The following TNRC18 variants were observed in gnomAD, a reference collection of about 807,000 sequenced individuals.
TNRC18 encodes the protein trinucleotide repeat containing 18.
A neutral mutation model predicts 226.7 loss-of-function variants in TNRC18; 69 were observed. That is an observed-to-expected ratio of 0.30 (90% CI 0.25 to 0.37). The LOEUF (loss-of-function observed/expected upper bound fraction) is 0.37. Ranked by LOEUF, TNRC18 falls within the 10% of genes least tolerant of loss-of-function variation. The pLI, the probability that TNRC18 is intolerant of heterozygous loss-of-function variation, is 1.00. For missense variants in TNRC18, 4,754 were observed against 4,256.6 expected (o/e 1.12, Z -3.25); for synonymous variants, 2,449 against 1,927.6 (o/e 1.27, Z -7.09).
At chr7:5,323,605 C>T (rs1276000257) in intron 21 of TNRC18, among the ~76,000 whole-genome samples, 1 of 135,954 alleles carries the variant, frequency 7.4e-6, no homozygotes, top group South Asian at 2.3e-4. Flanking sequence ...GCTCTTTGCC[C>T]AGGCTGGAGT....
Position 5,324,257 on chromosome 7 carries a change from C to T in TNRC18, c.6399G>A (p.Glu2133=), listed in dbSNP as rs776808955. Residue 2133 remains glutamate (E), a synonymous_variant, in exon 21 of 30, where the codon GAG becomes GAA. Transcript: ENST00000430969. The surrounding 1 kb of genome is among the most constrained non-coding windows in gnomAD (Gnocchi z 4.8). Reference sequence around the variant, plus strand: ...CCACAGCCCCGCCACGCGGCAGGTGCTCGTCCTCAGAGAAGCTCGAGTCTT... The same window carrying T: ...CCACAGCCCCGCCACGCGGCAGGTGTTCGTCCTCAGAGAAGCTCGAGTCTT... The part of the protein sequence containing the change: ...PNQDSSFSED[E]HLPRGGAVER... 6.2e-7 allele frequency: 1 copy of T among 1,612,330 alleles called. No individual in the cohort carries two copies. The highest frequency in any genetic ancestry group is 1.1e-5 in the South Asian group (1 of 91,026).
At chr7:5,386,613 G>T (rs1779809783) in intron 5 of TNRC18, among the ~76,000 whole-genome samples, 1 of 151,762 alleles carries the variant, frequency 6.6e-6, no homozygotes, top group African/African-American at 2.4e-5. Flanking sequence ...AGTCGGGCGT[G>T]GTGGCGCATA....
In TNRC18 at chr7:5,312,155, A is replaced by T. The variant is rs557934141; in HGVS notation, c.8388+348T>A. Among the ~76,000 whole-genome samples, 1 of 152,094 alleles carries T rather than the reference A, an allele frequency of 6.6e-6. No individual in the cohort carries two copies. Among genetic ancestry groups the T allele is most frequent in the Admixed American group, 6.5e-5 (1 of 15,270 alleles). The stretch of plus-strand genomic sequence containing the variant: ...AGTCTCAAAAAAAGAAAAAGGAAAA[A>T]ATCCCAGAGGCCTGGAAAGCCCCTT... On this transcript the variant is annotated intron_variant, in intron 27 of 29. Transcript: ENST00000430969. This position sits in a 1 kb window ranked among gnomAD's most constrained non-coding sequence, Gnocchi z 6.3.
At position 5,307,820 on chromosome 7, in the gene TNRC18, G is replaced by C. The variant is rs1276879657; in HGVS notation, c.*286C>G. On this transcript the variant is annotated 3_prime_UTR_variant, in exon 30 of 30. Transcript: ENST00000430969. ...CGGCCTGGCCAAGTGCTTGCAACGT[G>C]CTGGGCAGGAAGGGCCGGTCCGGCC... 1.2e-5 allele frequency: 6 copies of C among 482,742 alleles called. No individual in the cohort carries two copies. Among genetic ancestry groups the C allele is most frequent in the Non-Finnish European group, 2.3e-5 (6 of 261,904 alleles). The allele number at this position is 482,742 out of a possible 1,614,324, so 29.9% of individuals were successfully genotyped here.
At position 5,321,081 on chromosome 7, in the gene TNRC18, C is replaced by A; in HGVS notation, c.6552G>T (p.Ser2184=). 1 of 1,544,646 alleles carries A rather than the reference C, an allele frequency of 6.5e-7. No individual in the cohort carries two copies. Among genetic ancestry groups the A allele is most frequent in the Non-Finnish European group, 8.8e-7 (1 of 1,142,558 alleles). ...CCTCCCACCCCACTCACATGTCTGG[C>A]GAGTGCACGGTCTGCACGTGCCCGG... is the stretch of plus-strand genomic sequence containing the variant. ...LYAGHVQTVH[S]PDIYRVVVEG... The change falls in exon 22 of 30, where the codon TCG becomes TCT. Residue 2184 remains serine, a synonymous_variant. Coordinates refer to ENST00000430969, the MANE Select transcript of TNRC18 (RefSeq NM_001080495.3).
chr7:5,332,506 C>T, intron 19 of TNRC18, 116 bp downstream of exon 19: 1 of 1,203,518 alleles, frequency 8.3e-7, no homozygotes. Context: ...GGCCTGGAGC[C>T]GAGTACATGG....
At chr7:5,345,472 TC>T (rs1203010778) in intron 18 of TNRC18, 89 bp downstream of exon 18, 2 of 1,290,992 alleles carry the variant, frequency 1.5e-6, no homozygotes, top group Non-Finnish European at 2.1e-6. Flanking sequence ...CACCTGCATC[TC>T]TGAGCCTCAG....
Position 5,351,723 on chromosome 7 carries a change from A to C in TNRC18, c.5470+96T>G, listed in dbSNP as rs1041979132. On this transcript the variant is annotated intron_variant, in intron 17 of 29. Transcript: ENST00000430969. ...ATCCGCACGGGCCTCCTCACCCACC[A>C]TCTCTCCCGTGCGCCCACTCGCTTC... 4 of 1,391,622 alleles carry C rather than the reference A, an allele frequency of 2.9e-6. No individual in the cohort carries two copies. In the South Asian group the frequency reaches 6.0e-5, roughly 21 times the overall value. 86.2% of individuals were successfully genotyped at this position (1,391,622 alleles called of 1,614,324 possible).
chr7:5,359,455 G>A lies in TNRC18; in HGVS notation c.4776C>T (p.Ala1592=). The A allele has an allele frequency of 6.2e-7, 1 of 1,614,012 alleles. No homozygotes were observed. Among genetic ancestry groups the A allele is most frequent in the Non-Finnish European group, 8.5e-7 (1 of 1,179,896 alleles). Residue 1592 remains alanine (A), a synonymous_variant, in exon 15 of 30, where the codon GCC becomes GCT. Transcript: ENST00000430969. The part of the protein sequence containing the change: ...EHDALIGMGK[A]RGRNQTWDEH... ...CATCCCAAGTCTGGTTCCTCCCCCT[G>A]GCTTTCCCCATTCCGATGAGGGCAT...
intron 19 of TNRC18, among the ~76,000 whole-genome samples, chr7:5,329,077 C>A (rs948412249): frequency 2.6e-5 from 4 of 151,976 alleles, no homozygotes; most frequent in Non-Finnish European, 5.9e-5. Flanking sequence ...CTGAGGTGGG[C>A]CGATCACCTG....
Position 5,361,661 on chromosome 7 carries a change from G to T in TNRC18, c.4594C>A (p.Arg1532=). 1 of 1,561,516 alleles carries T rather than the reference G, an allele frequency of 6.4e-7. No homozygotes were observed. Among genetic ancestry groups the T allele is most frequent in the Non-Finnish European group, 8.7e-7 (1 of 1,154,174 alleles). ...GACAGGGCGCTCGGGGCGTGGGTCC[G>T]TTTCCGCGGCCTGCCAGGGCCTCTG... ...ARRGPGRPRK[R]THAPSALSPP... The change falls in exon 14 of 30, where the codon CGG becomes AGG. Residue 1532 remains arginine (R), a synonymous_variant. Transcript: ENST00000430969.
chr7:5,325,524 C>T (rs1435153247), intron 19 of TNRC18: 5 of 359,984 alleles, frequency 1.4e-5, no homozygotes, highest in East Asian at 7.9e-5. Context: ...CCCGGGTTCA[C>T]GCCATTCTCC....
intron 5 of TNRC18, among the ~76,000 whole-genome samples, chr7:5,380,269 G>C (rs1398195623): frequency 6.6e-6 from 1 of 152,176 alleles, no homozygotes; most frequent in Non-Finnish European, 1.5e-5. Context: ...AACACAGTGA[G>C]TCCCCATCTC....
intron 2 of TNRC18, among the ~76,000 whole-genome samples, chr7:5,396,280 G>A (rs1780682826): frequency 6.6e-6 from 1 of 152,072 alleles, no homozygotes; most frequent in Admixed American, 6.6e-5. Context: ...CCCAGGAGGT[G>A]GAGGTTGCAG....
At chr7:5,401,018 G>T (rs1001755579) in intron 2 of TNRC18, among the ~76,000 whole-genome samples, 1 of 152,140 alleles carries the variant, frequency 6.6e-6, no homozygotes, top group Non-Finnish European at 1.5e-5. Flanking sequence ...GGGAGACAGA[G>T]CAAGACCCTG....
intron 21 of TNRC18, among the ~76,000 whole-genome samples, chr7:5,321,639 CTTTATTTATTTATTTA>C (rs10551562): frequency 2.9e-4 from 42 of 143,508 alleles, no homozygotes; most frequent in East Asian, 8.2e-4. Flanking sequence ...ACTTCTAGGA[CTTTATTTATTTATTTA>C]TTTATTTATT....
At chr7:5,404,044 C>A (rs115487612) in intron 2 of TNRC18, among the ~76,000 whole-genome samples, 1 of 152,332 alleles carries the variant, frequency 6.6e-6, no homozygotes, top group African/African-American at 2.4e-5. Context: ...TGGGTTAACA[C>A]TCTGGCTATA....
chr7:5,345,704 G>A lies in TNRC18; in HGVS notation c.5577C>T (p.Gly1859=). 6.5e-7 allele frequency: 1 copy of A among 1,549,056 alleles called. No individual in the cohort carries two copies. Among genetic ancestry groups the A allele is most frequent in the Non-Finnish European group, 8.7e-7 (1 of 1,146,806 alleles). ...GCAGGCCCAGCCCACTCTCCTCCAG[G>A]CCCGGTGACAGGGCCCGCTCCCGGG... ...LGARERALSP[G]LEESGLGLLA... The change falls in exon 18 of 30, where the codon GGC becomes GGT. Residue 1859 remains glycine, a synonymous_variant. Coordinates refer to ENST00000430969, the MANE Select transcript of TNRC18 (RefSeq NM_001080495.3).
chr7:5,416,067 G>A lies in TNRC18; in HGVS notation c.187+4993C>T, dbSNP rs547301229. ...GTGGAGGTTGTGGTGAGCCTAGATCGTGCCACTGCACTCCAGCCTGGGCGA... is the reference window on the plus strand; with the variant it reads ...GTGGAGGTTGTGGTGAGCCTAGATCATGCCACTGCACTCCAGCCTGGGCGA... On this transcript the variant is annotated intron_variant, in intron 2 of 29. Transcript: ENST00000430969. 2.7e-3 allele frequency among the ~76,000 whole-genome samples: 406 copies of A among 149,152 alleles called. 2 individuals carry two copies. Among genetic ancestry groups the A allele is most frequent in the African/African-American group, 9.6e-3 (387 of 40,354 alleles).
Sources: allele counts gnomAD v4.1 joint callset (sites outside exome capture counted in the v4.1 genomes callset), GRCh38; gene constraint gnomAD v4.1.1; non-coding constraint Gnocchi (gnomAD v3.1); transcripts MANE v1.5; gene names NCBI Gene and HGNC (gene_info 2026-07-23, HGNC 2026-07-21).